The following OR6N1 variants were observed in gnomAD, a reference collection of about 807,000 sequenced individuals.
OR6N1 encodes olfactory receptor family 6 subfamily N member 1.
For synonymous variants in OR6N1, 170 were observed against 150.7 expected (o/e 1.13, Z -0.94); for missense variants, 394 against 371.7 (o/e 1.06, Z -0.49).
chr1:158,811,402 T>C, the OR6N1 span, among the ~76,000 whole-genome samples: 3 of 152,224 alleles, frequency 2.0e-5, no homozygotes, highest in Non-Finnish European at 4.4e-5. Flanking sequence ...ACCACCAGTA[T>C]TGCTATCATT....
the OR6N1 span, among the ~76,000 whole-genome samples, chr1:158,789,344 T>C: frequency 2.6e-5 from 4 of 152,198 alleles, no homozygotes; most frequent in Non-Finnish European, 1.5e-5. Context: ...TTCCTTGATT[T>C]GAATATATAC....
At chr1:158,821,364 A>G in the OR6N1 span, among the ~76,000 whole-genome samples, 3 of 152,162 alleles carry the variant, frequency 2.0e-5, no homozygotes, top group African/African-American at 4.8e-5. Flanking sequence ...CACTCTTGCT[A>G]TCACACATTC....
the OR6N1 span, among the ~76,000 whole-genome samples, chr1:158,815,938 G>A: frequency 2.6e-5 from 4 of 151,888 alleles, no homozygotes; most frequent in South Asian, 4.2e-4. Context: ...GGTAGATCAC[G>A]AGGTCAGGAG....
the OR6N1 span, chr1:158,795,951 C>T: frequency 6.6e-6 from 1 of 152,184 alleles, no homozygotes; most frequent in African/African-American, 2.4e-5. Context: ...ACCATTTTGT[C>T]TTTCTAAGTG....
At chr1:158,825,788 G>A in the OR6N1 span, among the ~76,000 whole-genome samples, 2 of 152,214 alleles carry the variant, frequency 1.3e-5, no homozygotes, top group South Asian at 2.1e-4. Context: ...CATACCCAAA[G>A]GAATATACAT....
At chr1:158,814,734 C>A in the OR6N1 span, among the ~76,000 whole-genome samples, 6 of 152,078 alleles carry the variant, frequency 3.9e-5, no homozygotes, top group Non-Finnish European at 8.8e-5. Flanking sequence ...TCTTAGTACC[C>A]CTTGGGGTTA....
the OR6N1 span, among the ~76,000 whole-genome samples, chr1:158,812,212 C>T: frequency 4.6e-5 from 7 of 152,148 alleles, no homozygotes; most frequent in South Asian, 2.1e-4. Context: ...GCTGCGTGTT[C>T]GCCTTCAGAA....
At chr1:158,790,465 C>T in the OR6N1 span, among the ~76,000 whole-genome samples, 9 of 144,038 alleles carry the variant, frequency 6.2e-5, 1 homozygote, top group South Asian at 8.7e-4. Context: ...AGTGCAGTGG[C>T]GCAATCTCGG....
At chr1:158,802,716 A>G in the OR6N1 span, among the ~76,000 whole-genome samples, 3 of 152,162 alleles carry the variant, frequency 2.0e-5, no homozygotes, top group Admixed American at 1.3e-4. Context: ...ATCTTTAGCC[A>G]TTGTTCCAAA....
At chr1:158,771,518 A>T (rs1449111008) in intron 1 of OR6N1, among the ~76,000 whole-genome samples, 2 of 152,214 alleles carry the variant, frequency 1.3e-5, no homozygotes, top group African/African-American at 4.8e-5. Flanking sequence ...ACAAATTTAC[A>T]TTTATCTTAC....
the OR6N1 span, among the ~76,000 whole-genome samples, chr1:158,834,578 ACT>A: frequency 6.6e-6 from 1 of 151,206 alleles, no homozygotes; most frequent in Non-Finnish European, 1.5e-5. Context: ...TCCCTTTTTT[ACT>A]CTGTTAATTG....
the OR6N1 span, among the ~76,000 whole-genome samples, chr1:158,817,201 C>T: frequency 6.6e-6 from 1 of 152,112 alleles, no homozygotes; most frequent in African/African-American, 2.4e-5. Flanking sequence ...TATATGATAA[C>T]TTTTAAGAAG....
chr1:158,836,892 AATG>A, the OR6N1 span, among the ~76,000 whole-genome samples: 1 of 151,814 alleles, frequency 6.6e-6, no homozygotes. Flanking sequence ...CATTTAATGA[AATG>A]ATATGTTGTG....
the OR6N1 span, among the ~76,000 whole-genome samples, chr1:158,802,012 C>G: frequency 2.0e-5 from 3 of 152,004 alleles, no homozygotes; most frequent in Admixed American, 2.0e-4. Flanking sequence ...TATATGTTCT[C>G]TGGAGTTGCT....
the OR6N1 span, chr1:158,777,681 TGACTG>T: frequency 5.5e-6 from 7 of 1,264,348 alleles, no homozygotes; most frequent in Non-Finnish European, 6.8e-6. Context: ...TGGATTGAGA[TGACTG>T]CTGAATCCAT....
chr1:158,786,104 T>C, the OR6N1 span, among the ~76,000 whole-genome samples: 2 of 152,080 alleles, frequency 1.3e-5, no homozygotes, highest in African/African-American at 4.8e-5. Context: ...TCACAAACTA[T>C]GCATCCAACG....
At chr1:158,821,565 A>T in the OR6N1 span, among the ~76,000 whole-genome samples, 1 of 152,166 alleles carries the variant, frequency 6.6e-6, no homozygotes, top group Non-Finnish European at 1.5e-5. Flanking sequence ...TTTTCAGATT[A>T]GCTTCTTTCA....
chr1:158,812,065 A>C, the OR6N1 span, among the ~76,000 whole-genome samples: 1 of 152,214 alleles, frequency 6.6e-6, no homozygotes, highest in Non-Finnish European at 1.5e-5. Context: ...TGACAAAATT[A>C]GTTTATCTTT....
At chr1:158,810,699 A>G in the OR6N1 span, among the ~76,000 whole-genome samples, 1 of 152,284 alleles carries the variant, frequency 6.6e-6, no homozygotes. Context: ...GGAGAACAAC[A>G]CCTTGATCAC....
Sources: gnomAD v4.1 joint callset for allele counts (sites outside exome capture counted in the v4.1 genomes callset) on GRCh38, gnomAD v4.1.1 for gene constraint, MANE v1.5 for transcripts, NCBI Gene and HGNC (gene_info 2026-07-23, HGNC 2026-07-21) for gene names.